PTPRG: variants seen among roughly 807,000 people sequenced by gnomAD.
The protein encoded by PTPRG is receptor-type tyrosine-protein phosphatase gamma.
Under a neutral mutation model 165.3 loss-of-function variants are expected in PTPRG, and 102 were observed. The ratio of observed to expected loss-of-function variants is 0.62; its 90% CI spans 0.53 to 0.73. PTPRG has a LOEUF of 0.73. PTPRG is among the 30% of genes least tolerant of loss of function. PTPRG has a pLI of 0.00. For missense variants in PTPRG, 1,866 were observed against 1,861.4 expected, an observed-to-expected ratio of 1.00 and a Z score of -0.05; for synonymous variants, 675 against 669.5, an observed-to-expected ratio of 1.01 and a Z score of -0.13.
At chr3:61,810,995 G>C (rs2035557263) in intron 2 of PTPRG, among the ~76,000 whole-genome samples, 1 of 152,182 alleles carries the variant, frequency 6.6e-6, no homozygotes. Flanking sequence ...GGGCAGGTTA[G>C]GGTGAATGTG....
intron 2 of PTPRG, among the ~76,000 whole-genome samples, chr3:61,830,551 G>T (rs11707083): frequency 0.25 from 35,208 of 139,760 alleles, 4,448 homozygotes; most frequent in East Asian, 0.3. Context: ...ACTGGTGATG[G>T]TTCTTTTTGT....
chr3:61,870,476 CTTTTTTTTTTT>C (rs869118813), intron 2 of PTPRG, among the ~76,000 whole-genome samples: 649 of 17,956 alleles, frequency 0.036, 10 homozygotes, highest in African/African-American at 0.069. Context: ...CCACACCTAG[CTTTTTTTTTTT>C]TTTTTTTTTT....
At chr3:62,030,870 C>T (rs1699747543) in intron 4 of PTPRG, among the ~76,000 whole-genome samples, 2 of 151,786 alleles carry the variant, frequency 1.3e-5, no homozygotes, top group African/African-American at 2.4e-5. Flanking sequence ...CTTAGACTGA[C>T]CCCCCACTGC....
At chr3:61,649,612 A>G (rs538709164) in intron 1 of PTPRG, among the ~76,000 whole-genome samples, 1 of 152,246 alleles carries the variant, frequency 6.6e-6, no homozygotes, top group Non-Finnish European at 1.5e-5. Context: ...TCTTAATACC[A>G]TCACATTGAC....
chr3:62,221,922 T>C (rs143325048), intron 13 of PTPRG, among the ~76,000 whole-genome samples: 1 of 152,378 alleles, frequency 6.6e-6, no homozygotes, highest in East Asian at 1.9e-4. Flanking sequence ...GTGTTAGTGC[T>C]AATGTTCAGT....
At chr3:61,609,379 T>C (rs974398237) in intron 1 of PTPRG, among the ~76,000 whole-genome samples, 14 of 152,334 alleles carry the variant, frequency 9.2e-5, no homozygotes, top group Admixed American at 8.5e-4. Context: ...TTGTGCTGTT[T>C]GCTGATTTTT....
chr3:61,869,429 A>C (rs1034353979), intron 2 of PTPRG, among the ~76,000 whole-genome samples: 9 of 152,158 alleles, frequency 5.9e-5, no homozygotes, highest in African/African-American at 2.2e-4. Flanking sequence ...ACCCAGAATG[A>C]ATATTGCTTT....
At chr3:61,774,125 C>T (rs1348152404) in intron 2 of PTPRG, among the ~76,000 whole-genome samples, 1 of 152,080 alleles carries the variant, frequency 6.6e-6, no homozygotes, top group Admixed American at 6.6e-5. Flanking sequence ...GACTACAGTC[C>T]TTTCCCAAAG....
chr3:61,694,724 A>G (rs912594532), intron 1 of PTPRG, among the ~76,000 whole-genome samples: 1 of 152,240 alleles, frequency 6.6e-6, no homozygotes, highest in African/African-American at 2.4e-5. Context: ...GTAGCCATTT[A>G]TAAGAAAGGA....
rs1027268020 is a variant in PTPRG at position 62,213,673 on chromosome 3, G to C, written c.2156-5178G>C. On this transcript the variant is annotated intron_variant, in intron 12 of 29. Transcript: ENST00000474889. The surrounding 1 kb of genome is among the most constrained non-coding windows in gnomAD (Gnocchi z 4.4). ...TGCAGAATTGCCCATCTTGTGGCAC[G>C]CTGCAGCTGTTGTACCGAAAGGCCT... Among the ~76,000 whole-genome samples the C allele has an allele frequency of 5.9e-5, 9 of 152,128 alleles. No individual in the cohort carries two copies. The highest frequency in any genetic ancestry group is 1.2e-4 in the Non-Finnish European group (8 of 68,022).
At chr3:61,783,452 C>A (rs1298267071) in intron 2 of PTPRG, among the ~76,000 whole-genome samples, 1 of 152,172 alleles carries the variant, frequency 6.6e-6, no homozygotes, top group Non-Finnish European at 1.5e-5. Context: ...GATGCCAGTT[C>A]ACACAGTATC....
At chr3:62,282,663 AG>A (rs1198836077) in intron 27 of PTPRG, 63 bp from the exon 28 acceptor site, 1 of 1,507,498 alleles carries the variant, frequency 6.6e-7, no homozygotes, top group African/African-American at 1.4e-5. Context: ...AGCAAGTTCT[AG>A]TCATTAGATT....
chr3:61,728,021 G>A (rs184782502), intron 1 of PTPRG, among the ~76,000 whole-genome samples: 3 of 152,282 alleles, frequency 2.0e-5, no homozygotes, highest in African/African-American at 7.2e-5. Flanking sequence ...CTTCTCTGTT[G>A]ACATTTGCCA....
intron 2 of PTPRG, among the ~76,000 whole-genome samples, chr3:61,802,590 G>C (rs1025193477): frequency 6.6e-6 from 1 of 152,148 alleles, no homozygotes; most frequent in South Asian, 2.1e-4. Context: ...ATTCTCATTG[G>C]AGCCTATTAT....
chr3:61,962,448 G>A (rs1231976560), intron 2 of PTPRG, among the ~76,000 whole-genome samples: 1 of 152,150 alleles, frequency 6.6e-6, no homozygotes, highest in African/African-American at 2.4e-5. Context: ...TGTGAAATGG[G>A]AATTACATAA....
chr3:61,667,013 T>C (rs949590768), intron 1 of PTPRG, among the ~76,000 whole-genome samples: 2 of 152,196 alleles, frequency 1.3e-5, no homozygotes, highest in South Asian at 4.1e-4. Flanking sequence ...CCCCAATTCA[T>C]TTGAATTAAT....
intron 2 of PTPRG, among the ~76,000 whole-genome samples, chr3:61,827,309 A>G (rs1017514761): frequency 6.6e-6 from 1 of 152,224 alleles, no homozygotes; most frequent in Non-Finnish European, 1.5e-5. Flanking sequence ...TGTGGTAAAT[A>G]TAGGGCTTTG....
intron 8 of PTPRG, among the ~76,000 whole-genome samples, chr3:62,169,475 T>C (rs553735510): frequency 6.6e-6 from 1 of 152,176 alleles, no homozygotes; most frequent in South Asian, 2.1e-4. Flanking sequence ...TCTTTTTCCA[T>C]CTCTACTTGC....
chr3:61,866,374 G>T (rs2037408007), intron 2 of PTPRG, among the ~76,000 whole-genome samples: 2 of 152,072 alleles, frequency 1.3e-5, no homozygotes, highest in Non-Finnish European at 2.9e-5. Flanking sequence ...AGGGCCAGAG[G>T]TGGTGCTAAT....
Sources: gnomAD v4.1 joint callset for allele counts (sites outside exome capture counted in the v4.1 genomes callset) on GRCh38, gnomAD v4.1.1 for gene constraint, Gnocchi (gnomAD v3.1) non-coding constraint, MANE v1.5 for transcripts, NCBI Gene and HGNC (gene_info 2026-07-23, HGNC 2026-07-21) for gene names.